SCAMP2: variants seen among roughly 807,000 people sequenced by gnomAD.
The protein encoded by SCAMP2 is secretory carrier-associated membrane protein 2.
Under a neutral mutation model 44.1 loss-of-function variants are expected in SCAMP2, and 25 were observed. That is an observed-to-expected ratio of 0.57 (90% CI 0.41 to 0.79). The LOEUF is 0.79. Among genes scored for constraint, SCAMP2 ranks in the 30% least tolerant of loss-of-function variants. The pLI is 0.00. For missense variants in SCAMP2, 355 were observed against 411.0 expected, an observed-to-expected ratio of 0.86 and a Z score of 1.18; for synonymous variants, 156 against 166.0, an observed-to-expected ratio of 0.94 and a Z score of 0.46.
chr15:74,853,568 C>T (rs1254991103), intron 3 of SCAMP2: 7 of 423,038 alleles, frequency 1.7e-5, no homozygotes, highest in East Asian at 7.3e-5. Context: ...GGCAGTGAGG[C>T]GGCGCAGTGG....
intron 1 of SCAMP2, among the ~76,000 whole-genome samples, chr15:74,861,097 C>A (rs1052105881): frequency 6.6e-6 from 1 of 151,776 alleles, no homozygotes; most frequent in African/African-American, 2.4e-5. Context: ...ATCACTTGAA[C>A]CCAGGAGGCA....
chr15:74,845,502 C>T lies in SCAMP2; in HGVS notation c.826G>A (p.Ala276Thr). Residue 276 changes from alanine (A) to threonine (T), a missense_variant, in exon 8 of 9, where the codon GCC becomes ACC. Ala to Thr is a moderately conservative substitution (Grantham distance 58). Coordinates refer to ENST00000268099, the MANE Select transcript of SCAMP2 (RefSeq NM_005697.5). ...TGCAGGAGGAAGACTGAGAGCACGG[C>T]ACAGAGGGTGAAGAAGCCAGCCACC... Reference protein sequence around the residue: ...MVVAGFFTLCAVLSVFLLQRV... With the variant: ...MVVAGFFTLCTVLSVFLLQRV... 6.2e-7 allele frequency: 1 copy of T among 1,614,162 alleles called. No individual in the cohort carries two copies. The highest frequency in any genetic ancestry group is 1.1e-5 in the South Asian group (1 of 91,088).
chr15:74,861,146 G>C (rs953260655), intron 1 of SCAMP2, among the ~76,000 whole-genome samples: 1 of 152,330 alleles, frequency 6.6e-6, no homozygotes, highest in East Asian at 1.9e-4. Flanking sequence ...CTGCACTCCA[G>C]CCTGGGCAAC....
At chr15:74,867,853 A>C (rs1321144551) in intron 1 of SCAMP2, among the ~76,000 whole-genome samples, 1 of 152,220 alleles carries the variant, frequency 6.6e-6, no homozygotes, top group East Asian at 1.9e-4. Flanking sequence ...GCCACCACCT[A>C]TTCCACTTCC....
chr15:74,844,203 A>AGC lies in SCAMP2; in HGVS notation c.*879_*880insGC, dbSNP rs1555472807. 2 of 67,062 alleles carry AGC rather than the reference A, an allele frequency of 3.0e-5. No individual in the cohort carries two copies. The highest frequency in any genetic ancestry group is 5.9e-5 in the African/African-American group (1 of 17,094). 4.2% of individuals were successfully genotyped at this position (67,062 alleles called of 1,614,324 possible). Reference sequence around the variant, plus strand: ...AAGGCAGCCGTCCCTCGGTTCGGGGAGGGGGGGGGGTAGTCACAGCAAACA... The same window carrying AGC: ...AAGGCAGCCGTCCCTCGGTTCGGGGAGCGGGGGGGGGGTAGTCACAGCAAACA... On this transcript the variant is annotated 3_prime_UTR_variant, in exon 9 of 9. Transcript: ENST00000268099.
intron 1 of SCAMP2, among the ~76,000 whole-genome samples, chr15:74,857,262 C>T (rs2064474233): frequency 6.6e-6 from 1 of 152,204 alleles, no homozygotes; most frequent in African/African-American, 2.4e-5. Flanking sequence ...CTGAACACCA[C>T]CTCTGCCCTG....
chr15:74,855,224 C>T (rs1471121245), intron 1 of SCAMP2, among the ~76,000 whole-genome samples: 4 of 152,050 alleles, frequency 2.6e-5, no homozygotes, highest in African/African-American at 4.8e-5. Context: ...CTGCCTCAGC[C>T]TCCTGAGTAG....
chr15:74,845,083 C>CT lies in SCAMP2; in HGVS notation c.989dup (p.Ter330=). ...CTGAGGGGGAGAGAAGAGAGGAGGACTAATTCCCCTGGAAGGCTCCTTGGG... is the reference window on the plus strand; with the variant it reads ...CTGAGGGGGAGAGAAGAGAGGAGGACTTAATTCCCCTGGAAGGCTCCTTGGG... The part of the protein sequence containing the change: ...SAAQGAFQGN[*] Residue 330 remains the stop codon, a frameshift_variant and stop_retained_variant, in exon 9 of 9, where the codon TAG becomes TAAG. Coordinates refer to ENST00000268099, the MANE Select transcript of SCAMP2 (RefSeq NM_005697.5). LOFTEE classifies it high-confidence loss of function. 1 of 1,613,094 alleles carries CT rather than the reference C, an allele frequency of 6.2e-7. No individual in the cohort carries two copies. Among genetic ancestry groups the CT allele is most frequent in the Non-Finnish European group, 8.5e-7 (1 of 1,179,330 alleles).
intron 1 of SCAMP2, among the ~76,000 whole-genome samples, chr15:74,858,555 G>C (rs1315015354): frequency 1.3e-5 from 2 of 152,110 alleles, no homozygotes; most frequent in Non-Finnish European, 1.5e-5. Flanking sequence ...CTCAAGCTCA[G>C]AGAGGGGAAG....
At position 74,855,162 on chromosome 15, in the gene SCAMP2, GGC is replaced by G. The variant is rs1365116178; in HGVS notation, c.58-515_58-514del. On this transcript the variant is annotated intron_variant, in intron 1 of 8. Coordinates refer to ENST00000268099, the MANE Select transcript of SCAMP2 (RefSeq NM_005697.5). ...TCTGTCACCCAGGCTGGAGTGCAGTGGCGCAATCTTGGCTCACTGCAACCTTC... is the reference window on the plus strand; with the variant it reads ...TCTGTCACCCAGGCTGGAGTGCAGTGGCAATCTTGGCTCACTGCAACCTTC... Among the ~76,000 whole-genome samples the G allele has an allele frequency of 1.4e-4, 21 of 151,934 alleles. 1 individual carries two copies. Among genetic ancestry groups the G allele is most frequent in the Admixed American group, 1.3e-3 (20 of 15,276 alleles).
At position 74,850,442 on chromosome 15, in the gene SCAMP2, G is replaced by A. The variant is rs1341980950; in HGVS notation, c.632+72C>T. 3.7e-6 allele frequency: 5 copies of A among 1,367,010 alleles called. No homozygotes were observed. In the African/African-American group the frequency reaches 5.8e-5, roughly 16 times the overall value. 84.7% of individuals were successfully genotyped at this position (1,367,010 alleles called of 1,614,324 possible). On this transcript the variant is annotated intron_variant, in intron 6 of 8. Transcript: ENST00000268099. ...CTCTAAGACTCAGATGGGGTCCCAG[G>A]GCCTATAGCCCTTAGCCTGCTACCT... is the stretch of plus-strand genomic sequence containing the variant.
chr15:74,854,974 GTTTTT>G (rs1205211475), intron 1 of SCAMP2, among the ~76,000 whole-genome samples: 1 of 138,148 alleles, frequency 7.2e-6, no homozygotes, highest in African/African-American at 2.7e-5. Flanking sequence ...TAGGGAGTGG[GTTTTT>G]TTTTTTTTTT....
In SCAMP2 at chr15:74,845,062, G is replaced by C; in HGVS notation, c.*21C>G. 6.2e-7 allele frequency: 1 copy of C among 1,606,940 alleles called. No individual in the cohort carries two copies. The highest frequency in any genetic ancestry group is 8.5e-7 in the Non-Finnish European group (1 of 1,174,700). ...AGAAGGCAGGCGAGAGAAAGGCTGA[G>C]GGGGAGAGAAGAGAGGAGGACTAAT... On this transcript the variant is annotated 3_prime_UTR_variant, in exon 9 of 9. Transcript: ENST00000268099.
intron 1 of SCAMP2, among the ~76,000 whole-genome samples, chr15:74,868,416 T>C (rs530286258): frequency 1.8e-4 from 27 of 152,246 alleles, no homozygotes; most frequent in Non-Finnish European, 2.9e-4. Context: ...ATATAACGAC[T>C]GAGCAGAAAA....
Position 74,845,490 on chromosome 15 carries a change from C to CTT in SCAMP2, c.837_838insAA (p.Val280LysfsTer128). On this transcript the variant is annotated frameshift_variant, in exon 8 of 9. Coordinates refer to ENST00000268099, the MANE Select transcript of SCAMP2 (RefSeq NM_005697.5). LOFTEE classifies it high-confidence loss of function. ...CCACTCACCCGCTGCAGGAGGAAGA[C>CTT]TGAGAGCACGGCACAGAGGGTGAAG... 6.2e-7 allele frequency: 1 copy of CTT among 1,614,176 alleles called. No homozygotes were observed. Among genetic ancestry groups the CTT allele is most frequent in the Non-Finnish European group, 8.5e-7 (1 of 1,180,040 alleles).
At position 74,855,200 on chromosome 15, in the gene SCAMP2, T is replaced by C. The variant is rs989585493; in HGVS notation, c.58-551A>G. 1.4e-4 allele frequency among the ~76,000 whole-genome samples: 21 copies of C among 152,054 alleles called. 1 individual carries two copies. Among genetic ancestry groups the C allele is most frequent in the Admixed American group, 1.3e-3 (20 of 15,264 alleles). On this transcript the variant is annotated intron_variant, in intron 1 of 8. Coordinates refer to ENST00000268099, the MANE Select transcript of SCAMP2 (RefSeq NM_005697.5). ...CTCACTGCAACCTTCGCCTCCTGGG[T>C]TGAAGCGATTCTCCTGCCTCAGCCT... is the stretch of plus-strand genomic sequence containing the variant.
Position 74,851,387 on chromosome 15 carries a change from C to G in SCAMP2, c.438G>C (p.Gln146His). The change falls in exon 5 of 9, where the codon CAG becomes CAC. Residue 146 changes from glutamine to histidine, a missense_variant. Transcript: ENST00000268099. ...GATAGTAGAGCATCTTGCATATCCGCTGGTAGTCGGCAGGGATCTCTGTGG... is the reference window on the plus strand; with the variant it reads ...GATAGTAGAGCATCTTGCATATCCGGTGGTAGTCGGCAGGGATCTCTGTGG... Reference protein sequence around the residue: ...DFSTEIPADYQRICKMLYYLW... With the variant: ...DFSTEIPADYHRICKMLYYLW... 1 of 1,614,116 alleles carries G rather than the reference C, an allele frequency of 6.2e-7. No individual in the cohort carries two copies. Among genetic ancestry groups the G allele is most frequent in the Non-Finnish European group, 8.5e-7 (1 of 1,179,960 alleles).
At chr15:74,853,912 G>T (rs994899177) in intron 3 of SCAMP2, 109 bp downstream of exon 3, 12 of 992,670 alleles carry the variant, frequency 1.2e-5, no homozygotes, top group Non-Finnish European at 1.9e-5. Flanking sequence ...GGGCCCTTAG[G>T]GGGCCAAGGC....
intron 1 of SCAMP2, among the ~76,000 whole-genome samples, chr15:74,866,639 A>AACCCTGTTTTCCCATCTGCCAGGC (rs1482727344): frequency 2.0e-5 from 3 of 151,910 alleles, no homozygotes; most frequent in Non-Finnish European, 4.4e-5. Context: ...ATAAATGAAT[A>AACCCTGTTTTCCCATCTGCCAGGC]ACCCTGTTTT....
Sources: gnomAD v4.1 joint callset for allele counts (sites outside exome capture counted in the v4.1 genomes callset) on GRCh38, gnomAD v4.1.1 for gene constraint, MANE v1.5 for transcripts, NCBI Gene and HGNC (gene_info 2026-07-23, HGNC 2026-07-21) for gene names.